Variants in PIK3C2G observed in about 807,000 individuals in gnomAD.
PIK3C2G encodes phosphatidylinositol 3-kinase C2 domain-containing subunit gamma.
In PIK3C2G, 168 loss-of-function variants were observed where a neutral mutation model predicts 181.1. That is an observed-to-expected ratio of 0.93 (90% CI 0.82 to 1.05). PIK3C2G has a LOEUF of 1.05. Ranked by LOEUF, PIK3C2G falls within the 50% of genes least tolerant of loss-of-function variation. PIK3C2G has a pLI of 0.00. For synonymous variants in PIK3C2G, 573 were observed against 592.2 expected (o/e 0.97, Z 0.47); for missense variants, 1,869 against 1,732.8 (o/e 1.08, Z -1.40).
At chr12:18,370,827 AT>A (rs1249445794) in intron 12 of PIK3C2G, among the ~76,000 whole-genome samples, 1 of 152,068 alleles carries the variant, frequency 6.6e-6, no homozygotes, top group Non-Finnish European at 1.5e-5. Flanking sequence ...CTTGAGAATC[AT>A]TTTGAGTTAT....
chr12:18,462,825 C>A (rs1230338242), intron 18 of PIK3C2G, among the ~76,000 whole-genome samples: 1 of 151,978 alleles, frequency 6.6e-6, no homozygotes, highest in Non-Finnish European at 1.5e-5. Context: ...TGGCTGCTTC[C>A]TAAAGATTAA....
chr12:18,551,275 C>A (rs1944714784), intron 26 of PIK3C2G, among the ~76,000 whole-genome samples: 1 of 152,016 alleles, frequency 6.6e-6, no homozygotes, highest in Non-Finnish European at 1.5e-5. Context: ...TCTGCAGAGA[C>A]CACTGCTAGG....
At chr12:18,711,250 T>C in the PIK3C2G span, among the ~76,000 whole-genome samples, 26 of 151,258 alleles carry the variant, frequency 1.7e-4, no homozygotes, top group Non-Finnish European at 2.5e-4. Flanking sequence ...TGGATGAAAC[T>C]GGAAACCATC....
intron 31 of PIK3C2G, among the ~76,000 whole-genome samples, chr12:18,616,843 T>C (rs1053713340): frequency 6.6e-6 from 1 of 151,912 alleles, no homozygotes. Flanking sequence ...TTTAAAAGAG[T>C]CATTTCATTA....
chr12:18,559,776 T>TTATATATATATATATA (rs369459549), intron 26 of PIK3C2G, among the ~76,000 whole-genome samples: 4 of 42,728 alleles, frequency 9.4e-5, no homozygotes, highest in South Asian at 1.3e-3. Context: ...TTGTATGAAA[T>TTATATATATATATATA]TATATATATA....
chr12:18,373,709 C>T (rs1037883119), intron 13 of PIK3C2G, among the ~76,000 whole-genome samples: 12 of 152,000 alleles, frequency 7.9e-5, no homozygotes, highest in Non-Finnish European at 2.9e-5. Flanking sequence ...AAAAATTAGC[C>T]GGCCGTGGTG....
At chr12:18,416,386 G>C (rs1472513949) in intron 16 of PIK3C2G, among the ~76,000 whole-genome samples, 1 of 152,188 alleles carries the variant, frequency 6.6e-6, no homozygotes, top group Non-Finnish European at 1.5e-5. Context: ...ATTGAAGACT[G>C]TGGCTACACT....
intron 17 of PIK3C2G, among the ~76,000 whole-genome samples, chr12:18,423,164 T>A (rs765947224): frequency 6.6e-6 from 1 of 151,742 alleles, no homozygotes; most frequent in African/African-American, 2.4e-5. Flanking sequence ...TGTGTGTGTG[T>A]GTGTAAGAGA....
At chr12:18,396,174 T>A (rs977534123) in intron 15 of PIK3C2G, among the ~76,000 whole-genome samples, 2 of 151,664 alleles carry the variant, frequency 1.3e-5, no homozygotes, top group African/African-American at 4.8e-5. Flanking sequence ...CAATTAGATT[T>A]TATATATAAG....
intron 9 of PIK3C2G, among the ~76,000 whole-genome samples, chr12:18,340,905 C>T (rs1385626503): frequency 6.6e-6 from 1 of 152,032 alleles, no homozygotes; most frequent in Non-Finnish European, 1.5e-5. Flanking sequence ...GGCTTTAATT[C>T]ACACAAGCAC....
the PIK3C2G span, chr12:18,701,554 T>A: frequency 6.2e-7 from 1 of 1,613,970 alleles, no homozygotes; most frequent in Non-Finnish European, 8.5e-7. Context: ...CCTGTTTCCT[T>A]GTCTTGATTG....
intron 11 of PIK3C2G, among the ~76,000 whole-genome samples, chr12:18,358,260 CG>C (rs1940924888): frequency 6.6e-6 from 1 of 152,192 alleles, no homozygotes; most frequent in African/African-American, 2.4e-5. Context: ...TTCTGCTTAC[CG>C]GAAGTAGTCC....
chr12:18,277,447 G>T (rs758821346), intron 1 of PIK3C2G, among the ~76,000 whole-genome samples: 23 of 152,080 alleles, frequency 1.5e-4, no homozygotes, highest in Admixed American at 9.8e-4. Context: ...AGATGGTTTA[G>T]CTCATTAGAC....
intron 18 of PIK3C2G, among the ~76,000 whole-genome samples, chr12:18,443,048 T>C (rs1946835021): frequency 6.6e-6 from 1 of 152,164 alleles, no homozygotes; most frequent in African/African-American, 2.4e-5. Context: ...ATTTTTTGTA[T>C]TTTTAGTAGA....
chr12:18,546,399 A>G lies in PIK3C2G; in HGVS notation c.3557A>G (p.Asp1186Gly), dbSNP rs778359630. The change falls in exon 26 of 33, where the codon GAC (aspartate) becomes GGC (glycine). Residue 1186 changes from aspartate (D) to glycine (G), a missense_variant. Asp to Gly is a moderately conservative substitution (Grantham distance 94, BLOSUM62 -1). Transcript: ENST00000538779. Reference sequence around the variant, plus strand: ...GTGTATAATAATCTTCGTCCACAAGACACAGACCTGGAAGCAACAAGTCAT... The same window carrying G: ...GTGTATAATAATCTTCGTCCACAAGGCACAGACCTGGAAGCAACAAGTCAT... Reference protein sequence around the residue: ...KYVYNNLRPQDTDLEATSHFT... With the variant: ...KYVYNNLRPQGTDLEATSHFT... 65 of 1,599,274 alleles carry G rather than the reference A, an allele frequency of 4.1e-5. No individual in the cohort carries two copies. Among genetic ancestry groups the G allele is most frequent in the Non-Finnish European group, 5.2e-5 (61 of 1,171,506 alleles).
intron 22 of PIK3C2G, among the ~76,000 whole-genome samples, chr12:18,500,923 C>A (rs997221433): frequency 1.3e-5 from 2 of 151,874 alleles, no homozygotes; most frequent in Non-Finnish European, 2.9e-5. Flanking sequence ...AGCGGGACCA[C>A]GAACCCACCG....
At chr12:18,617,782 T>C (rs1948672169) in intron 31 of PIK3C2G, among the ~76,000 whole-genome samples, 1 of 152,132 alleles carries the variant, frequency 6.6e-6, no homozygotes, top group Non-Finnish European at 1.5e-5. Flanking sequence ...TACATTGTAC[T>C]TGGCAAACCC....
chr12:18,478,868 A>C (rs1018957173), intron 18 of PIK3C2G, among the ~76,000 whole-genome samples: 2 of 151,914 alleles, frequency 1.3e-5, no homozygotes, highest in East Asian at 3.9e-4. Context: ...CCAGTTACTC[A>C]GGAGGGTGAG....
intron 32 of PIK3C2G, among the ~76,000 whole-genome samples, chr12:18,644,205 G>A (rs1318136543): frequency 6.6e-6 from 1 of 152,028 alleles, no homozygotes; most frequent in Admixed American, 6.6e-5. Context: ...CCCCTGTCAT[G>A]TACAAATCCC....
Sources: allele counts gnomAD v4.1 joint callset (sites outside exome capture counted in the v4.1 genomes callset), GRCh38; gene constraint gnomAD v4.1.1; transcripts MANE v1.5; gene names NCBI Gene and HGNC (gene_info 2026-07-23, HGNC 2026-07-21).